Variants in CFAP74 observed in about 807,000 individuals in gnomAD.
CFAP74 encodes cilia- and flagella-associated protein 74.
In CFAP74, 124 loss-of-function variants were observed where a neutral mutation model predicts 188.9. That is an observed-to-expected ratio of 0.66 (90% CI 0.57 to 0.76). CFAP74 has a LOEUF of 0.76. Among genes scored for constraint, CFAP74 ranks in the 30% least tolerant of loss-of-function variants. CFAP74 has a pLI of 0.00. For missense variants in CFAP74, 2,198 were observed against 2,165.2 expected, an observed-to-expected ratio of 1.02 and a Z score of -0.30; for synonymous variants, 956 against 916.7, an observed-to-expected ratio of 1.04 and a Z score of -0.77.
intron 18 of CFAP74, among the ~76,000 whole-genome samples, chr1:1,947,584 G>A (rs534381360): frequency 5.8e-4 from 88 of 152,322 alleles, no homozygotes; most frequent in Non-Finnish European, 9.3e-4. Context: ...CTGTTTCCTT[G>A]CAAGTCTGAG....
At chr1:1,941,704 T>C (rs1653388804) in intron 22 of CFAP74, among the ~76,000 whole-genome samples, 1 of 152,066 alleles carries the variant, frequency 6.6e-6, no homozygotes, top group South Asian at 2.1e-4. Flanking sequence ...TAGCAGACCC[T>C]CAGTGGCCAT....
intron 1 of CFAP74, among the ~76,000 whole-genome samples, chr1:1,991,937 G>T (rs559648431): frequency 6.6e-6 from 1 of 151,828 alleles, no homozygotes; most frequent in African/African-American, 2.4e-5. Flanking sequence ...CTACTCGGGA[G>T]GCTGAGGCAG....
In CFAP74 at chr1:1,988,991, AG is replaced by A; in HGVS notation, c.68-19del. 2.5e-6 allele frequency: 3 copies of A among 1,200,096 alleles called. No homozygotes were observed. The highest frequency in any genetic ancestry group is 2.4e-6 in the Non-Finnish European group (2 of 838,110). The allele number at this position is 1,200,096 out of a possible 1,614,324, so 74.3% of individuals were successfully genotyped here. A position where few individuals can be genotyped will look rare whatever the true frequency, so the allele number is the denominator to read the frequency against. ...ATCTCTTTCTAGAAATCAAGGCAAGAGTTTAAAAAAAAAAAAAAGCAGATCA... is the reference window on the plus strand; with the variant it reads ...ATCTCTTTCTAGAAATCAAGGCAAGATTTAAAAAAAAAAAAAAGCAGATCA... On this transcript the variant is annotated intron_variant, in intron 2 of 38. Coordinates refer to ENST00000682832, the MANE Select transcript of CFAP74 (RefSeq NM_001304360.2).
At chr1:1,983,411 T>C (rs1389535851) in intron 6 of CFAP74, among the ~76,000 whole-genome samples, 2 of 152,068 alleles carry the variant, frequency 1.3e-5, no homozygotes, top group Admixed American at 6.5e-5. Context: ...ACGTGTCCCA[T>C]GAGAGGACAC....
At chr1:1,960,475 C>T (rs879749628) in intron 14 of CFAP74, among the ~76,000 whole-genome samples, 1 of 152,178 alleles carries the variant, frequency 6.6e-6, no homozygotes, top group Non-Finnish European at 1.5e-5. Context: ...CTGGGACCCT[C>T]GGGACCCTCT....
At chr1:1,929,892 T>C (rs1172252439) in intron 26 of CFAP74, among the ~76,000 whole-genome samples, 168 bp downstream of exon 26, 1 of 152,064 alleles carries the variant, frequency 6.6e-6, no homozygotes, top group Non-Finnish European at 1.5e-5. Context: ...ACATTGGCCA[T>C]GGATCCTTCC....
At position 1,942,148 on chromosome 1, in the gene CFAP74, G is replaced by T; in HGVS notation, c.2495C>A (p.Ala832Asp). 6.6e-7 allele frequency: 1 copy of T among 1,514,656 alleles called. No individual in the cohort carries two copies. The highest frequency in any genetic ancestry group is 8.8e-7 in the Non-Finnish European group (1 of 1,137,374). The allele number at this position is 1,514,656 out of a possible 1,614,324, so 93.8% of individuals were successfully genotyped here. A position where few individuals can be genotyped will look rare whatever the true frequency, so the allele number is the denominator to read the frequency against. ...CACCTCGAACTTCAGGCGCAGGGCA[G>T]CTTTCGACCTGTGGGCGTGTCGCAG... The part of the protein sequence containing the change: ...DSVLVHTRSK[A>D]ALRLKFEVCK... Residue 832 changes from alanine to aspartate, a missense_variant, in exon 22 of 39, where the codon GCT becomes GAT. By Grantham distance (126) the Ala-to-Asp change is moderately radical. Coordinates refer to ENST00000682832, the MANE Select transcript of CFAP74 (RefSeq NM_001304360.2). This position sits in a 1 kb window ranked among gnomAD's most constrained non-coding sequence, Gnocchi z 4.3.
chr1:1,970,846 C>G (rs1655911612), intron 9 of CFAP74, 30 bp from the exon 10 acceptor site: 1 of 1,611,424 alleles, frequency 6.2e-7, no homozygotes, highest in African/African-American at 1.3e-5. Flanking sequence ...GAGATGACAG[C>G]AGCAGCACCC....
intron 18 of CFAP74, among the ~76,000 whole-genome samples, chr1:1,948,708 C>G (rs2102053740): frequency 6.6e-6 from 1 of 151,680 alleles, no homozygotes; most frequent in South Asian, 2.1e-4. Context: ...CCCGGCTCAG[C>G]ATCCTGAGTA....
chr1:1,998,978 T>C (rs184161593), intron 1 of CFAP74, among the ~76,000 whole-genome samples: 4 of 152,332 alleles, frequency 2.6e-5, no homozygotes, highest in African/African-American at 7.2e-5. Flanking sequence ...AGGAAGTCAG[T>C]TCCTTCCAGA....
At chr1:1,939,511 C>T in intron 24 of CFAP74, 83 bp downstream of exon 24, 2 of 1,358,508 alleles carry the variant, frequency 1.5e-6, no homozygotes, top group Non-Finnish European at 2.0e-6. Flanking sequence ...GCGTGGGGGA[C>T]CCTGGAGCAG....
rs899470904 is a variant in CFAP74 at position 1,930,508 on chromosome 1, G to A, written c.3012-172C>T. ...CGCTGACAAGTTTCGAAAATACAGC[G>A]TATCCTTGTGCACATTTGAGGTGGG... is the stretch of plus-strand genomic sequence containing the variant. On this transcript the variant is annotated intron_variant, in intron 25 of 38. Transcript: ENST00000682832. 5.9e-5 allele frequency among the ~76,000 whole-genome samples: 9 copies of A among 152,192 alleles called. 1 individual carries two copies.
At chr1:1,949,580 T>G (rs4648737) in intron 18 of CFAP74, among the ~76,000 whole-genome samples, 22,875 of 152,044 alleles carry the variant, frequency 0.15, 3,367 homozygotes, top group African/African-American at 0.38. Flanking sequence ...TTTGACAGAT[T>G]CATGTGGTTG....
intron 25 of CFAP74, among the ~76,000 whole-genome samples, chr1:1,932,686 C>T (rs111905292): frequency 0.02 from 3,034 of 149,532 alleles, 65 homozygotes; most frequent in South Asian, 0.053. Flanking sequence ...CTCCGCCTCC[C>T]GGGTTCAATG....
At position 1,999,633 on chromosome 1, in the gene CFAP74, A is replaced by G. The variant is rs1485695563; in HGVS notation, c.-20+4068T>C. 3.3e-5 allele frequency among the ~76,000 whole-genome samples: 5 copies of G among 151,782 alleles called. No individual in the cohort carries two copies. The East Asian group carries it at 5.8e-4, about 18-fold the overall frequency. ...GGAGTTCGAGACCAGCCTGGCCAACATGGTGAAACCCCGTCTCTACAAAAA... is the reference window on the plus strand; with the variant it reads ...GGAGTTCGAGACCAGCCTGGCCAACGTGGTGAAACCCCGTCTCTACAAAAA... On this transcript the variant is annotated intron_variant, in intron 1 of 38. Coordinates refer to ENST00000682832, the MANE Select transcript of CFAP74 (RefSeq NM_001304360.2).
chr1:1,938,833 C>CCCCT, intron 25 of CFAP74, 22 bp downstream of exon 25: 1 of 1,534,898 alleles, frequency 6.5e-7, no homozygotes, highest in South Asian at 1.2e-5. Context: ...CCCCCTGCGT[C>CCCCT]CCCTCTCCCT....
At chr1:1,956,261 G>A (rs1250042311) in intron 17 of CFAP74, among the ~76,000 whole-genome samples, 3 of 152,332 alleles carry the variant, frequency 2.0e-5, no homozygotes, top group Admixed American at 2.0e-4. Flanking sequence ...TGCAGCTGTG[G>A]CCATGGAGTG....
Position 1,973,999 on chromosome 1 carries a change from T to C in CFAP74, c.674+26A>G, listed in dbSNP as rs375133056. On this transcript the variant is annotated intron_variant, in intron 7 of 38. Transcript: ENST00000682832. The surrounding 1 kb of genome is among the most constrained non-coding windows in gnomAD (Gnocchi z 6.2). The stretch of plus-strand genomic sequence containing the variant: ...GCTGGCAGAAGCTGCTGGGAAGGGA[T>C]GGAGGTGGGCCTGGGTGTCGCCTAC... The C allele has an allele frequency of 9.9e-6, 15 of 1,516,782 alleles. No homozygotes were observed. In the African/African-American group the frequency reaches 1.7e-4, roughly 17 times the overall value. 94.0% of individuals were successfully genotyped at this position (1,516,782 alleles called of 1,614,324 possible).
intron 1 of CFAP74, among the ~76,000 whole-genome samples, chr1:1,995,308 A>C (rs1054386062): frequency 6.6e-6 from 1 of 152,142 alleles, no homozygotes; most frequent in African/African-American, 2.4e-5. Flanking sequence ...CCTGGCCAAC[A>C]TAGTGAAACC....
Sources: allele counts gnomAD v4.1 joint callset (sites outside exome capture counted in the v4.1 genomes callset), GRCh38; gene constraint gnomAD v4.1.1; non-coding constraint Gnocchi (gnomAD v3.1); transcripts MANE v1.5; gene names NCBI Gene and HGNC (gene_info 2026-07-23, HGNC 2026-07-21).